The following ABCA10 variants were observed in gnomAD, a reference collection of about 807,000 sequenced individuals.
ABCA10 encodes ATP binding cassette subfamily A member 10.
ABCA10 carries 169 observed loss-of-function variants against 187.5 expected under a neutral mutation model. The ratio of observed to expected loss-of-function variants is 0.90; its 90% CI spans 0.80 to 1.02. ABCA10 has a LOEUF of 1.02. Among genes scored for constraint, ABCA10 ranks in the 50% least tolerant of loss-of-function variants. The pLI, the probability that ABCA10 is intolerant of heterozygous loss-of-function variation, is 0.00. For synonymous variants in ABCA10, 574 were observed against 601.8 expected (o/e 0.95, Z 0.68); for missense variants, 1,727 against 1,812.4 (o/e 0.95, Z 0.86).
At chr17:69,196,822 C>T (rs1294660548) in intron 11 of ABCA10, among the ~76,000 whole-genome samples, 4 of 152,168 alleles carry the variant, frequency 2.6e-5, no homozygotes, top group African/African-American at 9.7e-5. Flanking sequence ...ACCAGCCCGG[C>T]CAACACGGCA....
intron 1 of ABCA10, among the ~76,000 whole-genome samples, chr17:69,238,216 C>T (rs2074883691): frequency 6.6e-6 from 1 of 151,636 alleles, no homozygotes; most frequent in African/African-American, 2.4e-5. Flanking sequence ...AGGCATGGAA[C>T]TGATTCTCCC....
chr17:69,216,170 C>T (rs754983026), intron 7 of ABCA10, 47 bp downstream of exon 7: 1 of 1,570,694 alleles, frequency 6.4e-7, no homozygotes, highest in Non-Finnish European at 8.6e-7. Flanking sequence ...GCTCATGTAT[C>T]TGTAATCTGA....
In ABCA10 at chr17:69,199,373, T is replaced by C. The variant is rs138295640; in HGVS notation, c.1175+2127A>G. On this transcript the variant is annotated intron_variant, in intron 10 of 38. Coordinates refer to ENST00000690296, the MANE Select transcript of ABCA10 (RefSeq NM_001377321.1). Reference sequence around the variant, plus strand: ...TAATTCTAGCAGAGGGACTGATTAATGATGAATAAGTTAAAAAAGTAATTA... The same window carrying C: ...TAATTCTAGCAGAGGGACTGATTAACGATGAATAAGTTAAAAAAGTAATTA... 4.5e-4 allele frequency among the ~76,000 whole-genome samples: 69 copies of C among 152,338 alleles called. 1 individual carries two copies. Among genetic ancestry groups the C allele is most frequent in the African/African-American group, 1.6e-3 (68 of 41,576 alleles).
At chr17:69,209,529 TATAA>T (rs1189464186) in intron 9 of ABCA10, among the ~76,000 whole-genome samples, 3 of 152,230 alleles carry the variant, frequency 2.0e-5, no homozygotes, top group Admixed American at 2.0e-4. Context: ...AGAAGAAAGC[TATAA>T]ATATTTTTCA....
rs58580286 is a variant in ABCA10 at position 69,211,314 on chromosome 17, GATATATATATATAT to G, written c.1006+3376_1006+3389del. Among the ~76,000 whole-genome samples the G allele has an allele frequency of 4.2e-3, 127 of 30,336 alleles. 1 individual carries two copies. The highest frequency in any genetic ancestry group is 0.016 in the Middle Eastern group (1 of 62). 19.9% of individuals were successfully genotyped at this position (30,336 alleles called of 152,430 possible). On this transcript the variant is annotated intron_variant, in intron 9 of 38. Transcript: ENST00000690296. ...TATCATATATATACATCATATATAT[GATATATATATATAT>G]ATATATATATATATATATATATATA...
At chr17:69,159,999 G>A (rs1175391171) in intron 27 of ABCA10, among the ~76,000 whole-genome samples, 1 of 151,940 alleles carries the variant, frequency 6.6e-6, no homozygotes, top group African/African-American at 2.4e-5. Flanking sequence ...ACTCAAAATG[G>A]ATCAAAGACC....
In ABCA10 at chr17:69,193,599, ATAAT is replaced by A. The variant is rs1300199293; in HGVS notation, c.1531_1534del (p.Ile511Ter). The A allele has an allele frequency of 7.5e-6, 12 of 1,606,916 alleles. No individual in the cohort carries two copies. The highest frequency in any genetic ancestry group is 1.0e-5 in the Non-Finnish European group (12 of 1,175,834). ...AATGCTTTGCATGTCTAATTCCATT[ATAAT>A]TCTTTTTACCTATCAAAGAAAACTC... On this transcript the variant is annotated frameshift_variant, in exon 14 of 39. Coordinates refer to ENST00000690296, the MANE Select transcript of ABCA10 (RefSeq NM_001377321.1). LOFTEE classifies it high-confidence loss of function.
intron 9 of ABCA10, among the ~76,000 whole-genome samples, chr17:69,209,424 G>A (rs1187996251): frequency 9.9e-5 from 15 of 152,172 alleles, no homozygotes; most frequent in South Asian, 2.1e-4. Context: ...GTTACATCAC[G>A]AAATTGGAAA....
chr17:69,171,785 A>G (rs916702747), intron 25 of ABCA10, among the ~76,000 whole-genome samples: 3 of 152,174 alleles, frequency 2.0e-5, no homozygotes, highest in Non-Finnish European at 2.9e-5. Flanking sequence ...TTTCAAAGTG[A>G]TAAGAGAAAA....
chr17:69,171,874 C>T (rs189681627), intron 25 of ABCA10, among the ~76,000 whole-genome samples: 5 of 133,536 alleles, frequency 3.7e-5, no homozygotes, highest in Admixed American at 2.6e-4. Context: ...TTTTAAACTA[C>T]GAGAGTTTAT....
At chr17:69,159,946 TG>T (rs1178327887) in intron 27 of ABCA10, among the ~76,000 whole-genome samples, 3 of 152,116 alleles carry the variant, frequency 2.0e-5, no homozygotes, top group African/African-American at 7.2e-5. Context: ...GATGTCAATA[TG>T]TAAAAGAATG....
intron 34 of ABCA10, 31 bp from the exon 35 acceptor site, chr17:69,152,512 T>C (rs1480915582): frequency 1.9e-6 from 3 of 1,579,478 alleles, no homozygotes; most frequent in Admixed American, 1.9e-5. Context: ...TGTTTGCATT[T>C]AGAAAGTAAT....
At chr17:69,183,311 G>A (rs887715474) in intron 20 of ABCA10, among the ~76,000 whole-genome samples, 2 of 152,130 alleles carry the variant, frequency 1.3e-5, no homozygotes, top group African/African-American at 4.8e-5. Flanking sequence ...CTTGATATTT[G>A]CCATTGTGCC....
Position 69,165,252 on chromosome 17 carries a change from C to T in ABCA10, c.3163-169G>A, listed in dbSNP as rs577721614. ...TTTAGGAAGTCTCAAACTTTCACTGCAACTAAAACATAGGATTACAATAAG... is the reference window on the plus strand; with the variant it reads ...TTTAGGAAGTCTCAAACTTTCACTGTAACTAAAACATAGGATTACAATAAG... On this transcript the variant is annotated intron_variant, in intron 25 of 38. Transcript: ENST00000690296. Among the ~76,000 whole-genome samples the T allele has an allele frequency of 1.2e-3, 180 of 152,032 alleles. 2 individuals are homozygous for T. The highest frequency in any genetic ancestry group is 1.9e-3 in the Non-Finnish European group (132 of 67,990).
chr17:69,237,924 A>C (rs2074881746), intron 1 of ABCA10, among the ~76,000 whole-genome samples: 1 of 152,104 alleles, frequency 6.6e-6, no homozygotes, highest in East Asian at 1.9e-4. Context: ...GCACTTTGGG[A>C]GGCCAAGGTG....
intron 9 of ABCA10, among the ~76,000 whole-genome samples, chr17:69,210,163 GTTAT>G (rs1382166343): frequency 1.0e-4 from 13 of 123,846 alleles, no homozygotes; most frequent in Non-Finnish European, 1.5e-4. Flanking sequence ...TTATTTAGTG[GTTAT>G]TTCTTTTTTT....
chr17:69,242,127 A>C (rs2074906553), intron 1 of ABCA10, among the ~76,000 whole-genome samples: 1 of 152,210 alleles, frequency 6.6e-6, no homozygotes, highest in Non-Finnish European at 1.5e-5. Flanking sequence ...TTCTATCACA[A>C]ACTTGATTTC....
chr17:69,192,715 C>T, intron 15 of ABCA10, 62 bp from the exon 16 acceptor site: 1 of 1,378,824 alleles, frequency 7.3e-7, no homozygotes, highest in Non-Finnish European at 1.0e-6. Flanking sequence ...GGTATATTCT[C>T]TACTTTGGAT....
At chr17:69,154,067 A>G in intron 31 of ABCA10, 58 bp from the exon 32 acceptor site, 1 of 1,567,352 alleles carries the variant, frequency 6.4e-7, no homozygotes, top group East Asian at 2.3e-5. Context: ...TCCCCCTTCT[A>G]CTAAAGGAGA....
Sources: allele counts gnomAD v4.1 joint callset (sites outside exome capture counted in the v4.1 genomes callset), GRCh38; gene constraint gnomAD v4.1.1; transcripts MANE v1.5; gene names NCBI Gene and HGNC (gene_info 2026-07-23, HGNC 2026-07-21).